SLC24A2: variants seen among roughly 807,000 people sequenced by gnomAD.
SLC24A2 encodes solute carrier family 24 member 2, also known as sodium/potassium/calcium exchanger 2.
SLC24A2 carries 36 observed loss-of-function variants against 62.0 expected under a neutral mutation model. The ratio of observed to expected loss-of-function variants is 0.58; its 90% CI spans 0.44 to 0.77. The LOEUF is 0.77. Ranked by LOEUF, SLC24A2 falls within the 30% of genes least tolerant of loss-of-function variation. The pLI, the probability that SLC24A2 is intolerant of heterozygous loss-of-function variation, is 0.00. For missense variants in SLC24A2, 846 were observed against 817.9 expected (o/e 1.03, Z -0.42); for synonymous variants, 358 against 294.0 (o/e 1.22, Z -2.23).
At chr9:20,269,558 C>G in the SLC24A2 span, among the ~76,000 whole-genome samples, 1 of 152,168 alleles carries the variant, frequency 6.6e-6, no homozygotes, top group Non-Finnish European at 1.5e-5. Context: ...CCAGCAGCTC[C>G]GTTTCATCTG....
At chr9:20,282,344 G>A in the SLC24A2 span, among the ~76,000 whole-genome samples, 2 of 152,128 alleles carry the variant, frequency 1.3e-5, no homozygotes, top group African/African-American at 4.8e-5. Flanking sequence ...TGGCCAGAGA[G>A]TGAGTACTTT....
chr9:20,135,000 G>A, the SLC24A2 span, among the ~76,000 whole-genome samples: 35 of 152,250 alleles, frequency 2.3e-4, 1 homozygote, highest in South Asian at 1.0e-3. Flanking sequence ...CAAAGAAAAT[G>A]TATAGTGCTG....
At chr9:20,011,308 G>A in the SLC24A2 span, among the ~76,000 whole-genome samples, 1 of 151,900 alleles carries the variant, frequency 6.6e-6, no homozygotes, top group African/African-American at 2.4e-5. Context: ...CATTCTAACT[G>A]GTGTGAGATG....
the SLC24A2 span, among the ~76,000 whole-genome samples, chr9:19,905,877 A>G: frequency 6.6e-6 from 1 of 152,158 alleles, no homozygotes; most frequent in Non-Finnish European, 1.5e-5. Context: ...AGTGAAACTC[A>G]AGAGAATTTA....
chr9:20,146,166 T>A, the SLC24A2 span, among the ~76,000 whole-genome samples: 2 of 152,176 alleles, frequency 1.3e-5, no homozygotes, highest in African/African-American at 4.8e-5. Context: ...GAAATAGTGA[T>A]CCAGAGAACT....
At chr9:19,899,097 C>T in the SLC24A2 span, among the ~76,000 whole-genome samples, 1 of 152,174 alleles carries the variant, frequency 6.6e-6, no homozygotes, top group Non-Finnish European at 1.5e-5. Flanking sequence ...CTGTATCAGC[C>T]TCACATGAAA....
the SLC24A2 span, among the ~76,000 whole-genome samples, chr9:20,088,269 T>C: frequency 6.6e-6 from 1 of 152,352 alleles, no homozygotes; most frequent in South Asian, 2.1e-4. Context: ...CAGCCACAGG[T>C]AGCAGCTTTA....
rs151031966 is a variant in SLC24A2 at position 19,719,339 on chromosome 9, G to C, written c.930+66598C>G. Reference sequence around the variant, plus strand: ...AAACCTTGAAGATAATTTGCTACCTGGTTGTAATTTCTTTAGCACTATTAT... The same window carrying C: ...AAACCTTGAAGATAATTTGCTACCTCGTTGTAATTTCTTTAGCACTATTAT... On this transcript the variant is annotated intron_variant, in intron 2 of 10. Coordinates refer to ENST00000341998, the MANE Select transcript of SLC24A2 (RefSeq NM_020344.4). Among the ~76,000 whole-genome samples, 746 of 152,256 alleles carry C rather than the reference G, an allele frequency of 4.9e-3. 5 individuals are homozygous for C. Among genetic ancestry groups the C allele is most frequent in the African/African-American group, 0.017 (697 of 41,556 alleles).
chr9:20,304,833 G>C, the SLC24A2 span, among the ~76,000 whole-genome samples: 1 of 151,868 alleles, frequency 6.6e-6, no homozygotes, highest in East Asian at 1.9e-4. Flanking sequence ...ATAAGCAGCA[G>C]AGCAAGGACA....
chr9:20,133,336 T>C, the SLC24A2 span, among the ~76,000 whole-genome samples: 1 of 152,154 alleles, frequency 6.6e-6, no homozygotes, highest in Non-Finnish European at 1.5e-5. Context: ...TATAACTGAT[T>C]CTTTCACAAA....
chr9:19,838,166 C>G, the SLC24A2 span, among the ~76,000 whole-genome samples: 1 of 152,130 alleles, frequency 6.6e-6, no homozygotes, highest in African/African-American at 2.4e-5. Flanking sequence ...TGACTTTAAA[C>G]TATACTACAA....
chr9:19,584,571 G>T (rs536809918), intron 5 of SLC24A2, among the ~76,000 whole-genome samples: 7 of 152,138 alleles, frequency 4.6e-5, no homozygotes, highest in Non-Finnish European at 8.8e-5. Context: ...TATCTTACTG[G>T]AACAGTTAAT....
the SLC24A2 span, among the ~76,000 whole-genome samples, chr9:19,905,623 G>T: frequency 1.8e-4 from 28 of 152,026 alleles, no homozygotes; most frequent in African/African-American, 6.5e-4. Flanking sequence ...ATGTTGGTCA[G>T]GCTGCTCACG....
the SLC24A2 span, among the ~76,000 whole-genome samples, chr9:20,175,321 A>G: frequency 1.3e-5 from 2 of 151,844 alleles, no homozygotes; most frequent in Non-Finnish European, 2.9e-5. Context: ...AAATCTCACC[A>G]ATCAACACTA....
intron 5 of SLC24A2, among the ~76,000 whole-genome samples, chr9:19,590,841 T>G (rs547832087): frequency 7.2e-5 from 11 of 152,312 alleles, no homozygotes; most frequent in African/African-American, 2.6e-4. Context: ...AACCCCCAAT[T>G]TGAAGCATCC....
chr9:20,228,021 T>C, the SLC24A2 span, among the ~76,000 whole-genome samples: 11 of 152,268 alleles, frequency 7.2e-5, no homozygotes, highest in East Asian at 9.7e-4. Flanking sequence ...CAAAGGCCCA[T>C]TGAGGTCATT....
At chr9:19,726,242 G>A (rs1196358253) in intron 2 of SLC24A2, among the ~76,000 whole-genome samples, 2 of 152,144 alleles carry the variant, frequency 1.3e-5, no homozygotes, top group Non-Finnish European at 2.9e-5. Flanking sequence ...TCAATAGGTA[G>A]TCTTCTTGCT....
At chr9:19,869,247 C>G in the SLC24A2 span, among the ~76,000 whole-genome samples, 5 of 152,156 alleles carry the variant, frequency 3.3e-5, no homozygotes, top group Middle Eastern at 3.2e-3. Context: ...TCCCAAGATG[C>G]TAGGATTACA....
the SLC24A2 span, among the ~76,000 whole-genome samples, chr9:19,885,900 C>T: frequency 6.6e-6 from 1 of 152,050 alleles, no homozygotes; most frequent in African/African-American, 2.4e-5. Context: ...TCCTGCAGCC[C>T]ATCCATGTTG....
Sources: allele counts gnomAD v4.1 joint callset (sites outside exome capture counted in the v4.1 genomes callset), GRCh38; gene constraint gnomAD v4.1.1; transcripts MANE v1.5; gene names NCBI Gene and HGNC (gene_info 2026-07-23, HGNC 2026-07-21).